Variants in STK10 observed in about 807,000 individuals in gnomAD.
STK10 encodes serine/threonine-protein kinase 10.
STK10 carries 78 observed loss-of-function variants against 113.8 expected under a neutral mutation model. The ratio of observed to expected loss-of-function variants is 0.69; its 90% CI spans 0.57 to 0.83. The LOEUF (loss-of-function observed/expected upper bound fraction) is 0.83. Among genes scored for constraint, STK10 ranks in the 40% least tolerant of loss-of-function variants. The probability of loss-of-function intolerance (pLI) is 0.00; values close to 1 mark genes in which losing one functional copy is unlikely to be tolerated. For synonymous variants in STK10, 465 were observed against 494.7 expected (o/e 0.94, Z 0.80); for missense variants, 1,109 against 1,280.1 (o/e 0.87, Z 2.04).
chr5:172,130,883 C>T (rs1769739723), intron 2 of STK10, among the ~76,000 whole-genome samples: 1 of 152,146 alleles, frequency 6.6e-6, no homozygotes, highest in South Asian at 2.1e-4. Context: ...TAGATCACGT[C>T]ACTTAGGATT....
chr5:172,082,363 G>A lies in STK10; in HGVS notation c.1952C>T (p.Thr651Ile). The change falls in exon 12 of 19, where the codon ACC becomes ATC. Residue 651 changes from threonine (T) to isoleucine (I), a missense_variant. By Grantham distance (89) the Thr-to-Ile change is moderately conservative. Around this residue, in one of 5 missense-constraint regions of STK10, gnomAD observed 885 missense variants for 991.1 expected, o/e 0.89. Coordinates refer to ENST00000176763, the MANE Select transcript of STK10 (RefSeq NM_005990.4). The surrounding 1 kb of genome is among the most constrained non-coding windows in gnomAD (Gnocchi z 4.3). The part of the protein sequence containing the change: ...RIRLEQDRDY[T>I]RFQEQLKLMK... ...CAGTTTGAGCTGCTCTTGGAACCTG[G>A]TGTAGTCCCGATCCTGCTCCAGGCG... 6.3e-7 allele frequency: 1 copy of A among 1,598,582 alleles called. No homozygotes were observed. The highest frequency in any genetic ancestry group is 8.5e-7 in the Non-Finnish European group (1 of 1,173,686).
intron 7 of STK10, among the ~76,000 whole-genome samples, chr5:172,102,384 T>C (rs186019876): frequency 6.6e-6 from 1 of 152,198 alleles, no homozygotes; most frequent in Admixed American, 6.5e-5. Context: ...GTGGAGCACG[T>C]CGGCGAAAAG....
Position 172,082,987 on chromosome 5 carries a change from G to A in STK10, c.1783C>T (p.His595Tyr), listed in dbSNP as rs770836497. ...NKHELQLEQM[H>Y]KRFEQEINAK... ...TTGATTTCCTGTTCAAAACGTTTAT[G>A]CATTTGCTCCAGCTGCAGCTCATGC... The change falls in exon 11 of 19, where the codon CAT becomes TAT. Residue 595 changes from histidine to tyrosine, a missense_variant. Physicochemically the swap from His to Tyr is moderately conservative, Grantham distance 83. This residue lies in a region of STK10 where 885 missense variants were observed against 991.1 expected (regional missense o/e 0.89). Transcript: ENST00000176763. This position sits in a 1 kb window ranked among gnomAD's most constrained non-coding sequence, Gnocchi z 4.3. 8 of 1,613,890 alleles carry A rather than the reference G, an allele frequency of 5.0e-6. No individual in the cohort carries two copies. The highest frequency in any genetic ancestry group is 6.8e-6 in the Non-Finnish European group (8 of 1,180,028).
chr5:172,063,694 G>C (rs1028159551), intron 13 of STK10: 1 of 152,176 alleles, frequency 6.6e-6, no homozygotes, highest in African/African-American at 2.4e-5. Context: ...GTCCCGGAGA[G>C]AACACAAGCT....
At chr5:172,142,083 G>A (rs948255508) in intron 2 of STK10, among the ~76,000 whole-genome samples, 3 of 152,064 alleles carry the variant, frequency 2.0e-5, no homozygotes, top group African/African-American at 7.2e-5. Context: ...CCAATCTATG[G>A]GTCTGGATGG....
chr5:172,071,212 C>CAAAAAAAAAA (rs369407918), intron 12 of STK10, among the ~76,000 whole-genome samples: 5 of 26,598 alleles, frequency 1.9e-4, no homozygotes, highest in Non-Finnish European at 3.1e-4. Context: ...CTCTCTATCT[C>CAAAAAAAAAA]AAAAAAAAAA....
intron 1 of STK10, among the ~76,000 whole-genome samples, chr5:172,158,286 A>G (rs1173378360): frequency 6.6e-6 from 1 of 151,938 alleles, no homozygotes; most frequent in Admixed American, 6.6e-5. Flanking sequence ...TATACCCAAA[A>G]AAAAAAGCTC....
chr5:172,140,000 C>G (rs1017165355), intron 2 of STK10, among the ~76,000 whole-genome samples: 5 of 151,072 alleles, frequency 3.3e-5, no homozygotes, highest in Admixed American at 3.3e-4. Context: ...AAAAGGCAGC[C>G]TACAAAATGG....
chr5:172,107,431 C>T (rs991598508), intron 5 of STK10, among the ~76,000 whole-genome samples: 1 of 152,218 alleles, frequency 6.6e-6, no homozygotes, highest in African/African-American at 2.4e-5. Context: ...TTCACCTTCA[C>T]GGTCCCCATC....
chr5:172,062,270 G>C (rs1454999875), intron 13 of STK10, among the ~76,000 whole-genome samples: 1 of 151,462 alleles, frequency 6.6e-6, no homozygotes, highest in African/African-American at 2.4e-5. Flanking sequence ...CATAATAAAG[G>C]GTAAAAAAAA....
At chr5:172,083,130 T>C (rs1447120419) in intron 10 of STK10, 46 bp from the exon 11 acceptor site, 5 of 1,609,778 alleles carry the variant, frequency 3.1e-6, no homozygotes, top group African/African-American at 1.3e-5. Flanking sequence ...GAAACTGGCT[T>C]CAGAGATCAC....
intron 1 of STK10, among the ~76,000 whole-genome samples, chr5:172,170,352 C>T (rs1770646512): frequency 2.0e-5 from 3 of 152,118 alleles, no homozygotes; most frequent in Admixed American, 1.3e-4. Context: ...CCAAAGCCTT[C>T]GACTGGGCCA....
In STK10 at chr5:172,082,766, G is replaced by A. The variant is rs1312490427; in HGVS notation, c.1809+195C>T. On this transcript the variant is annotated intron_variant, in intron 11 of 18. Coordinates refer to ENST00000176763, the MANE Select transcript of STK10 (RefSeq NM_005990.4). The surrounding 1 kb of genome is among the most constrained non-coding windows in gnomAD (Gnocchi z 4.3). ...TTCCCCTCTGGAGATCCTCCTGTGG[G>A]ACTCAGGATCGCTGTGACCTTCACG... Among the ~76,000 whole-genome samples, 1 of 152,120 alleles carries A rather than the reference G, an allele frequency of 6.6e-6. No homozygotes were observed. Among genetic ancestry groups the A allele is most frequent in the Non-Finnish European group, 1.5e-5 (1 of 68,016 alleles).
intron 8 of STK10, among the ~76,000 whole-genome samples, chr5:172,096,054 C>T (rs1161470067): frequency 1.3e-5 from 2 of 152,222 alleles, no homozygotes; most frequent in African/African-American, 2.4e-5. Context: ...TGGCCATATG[C>T]AGCCTCCCAT....
At chr5:172,162,363 AT>A (rs1770489373) in intron 1 of STK10, among the ~76,000 whole-genome samples, 1 of 152,058 alleles carries the variant, frequency 6.6e-6, no homozygotes, top group African/African-American at 2.4e-5. Context: ...AAAAATTAAA[AT>A]TAAAAAAAGC....
intron 1 of STK10, among the ~76,000 whole-genome samples, chr5:172,172,955 G>T (rs949710471): frequency 6.6e-6 from 1 of 152,108 alleles, no homozygotes; most frequent in Non-Finnish European, 1.5e-5. Flanking sequence ...ACTCCAGCCT[G>T]GGTGACAGAG....
At chr5:172,125,009 T>G (rs1769591167) in intron 3 of STK10, among the ~76,000 whole-genome samples, 1 of 152,216 alleles carries the variant, frequency 6.6e-6, no homozygotes, top group South Asian at 2.1e-4. Flanking sequence ...GAGTTCTAAT[T>G]CCTTTTATGC....
At chr5:172,095,255 G>A (rs1362201196) in intron 8 of STK10, among the ~76,000 whole-genome samples, 1 of 152,244 alleles carries the variant, frequency 6.6e-6, no homozygotes, top group Non-Finnish European at 1.5e-5. Context: ...AACACCCAGA[G>A]TGATGGCTCA....
At chr5:172,171,314 T>A (rs917253181) in intron 1 of STK10, among the ~76,000 whole-genome samples, 11 of 152,182 alleles carry the variant, frequency 7.2e-5, no homozygotes, top group Non-Finnish European at 1.2e-4. Flanking sequence ...TTCTTTGTCC[T>A]CACTTCCCAG....
Sources: gnomAD v4.1 joint callset for allele counts (sites outside exome capture counted in the v4.1 genomes callset) on GRCh38, gnomAD v4.1.1 for gene constraint, gnomAD v4.1.1 regional missense constraint, Gnocchi (gnomAD v3.1) non-coding constraint, MANE v1.5 for transcripts, NCBI Gene and HGNC (gene_info 2026-07-23, HGNC 2026-07-21) for gene names.